Variants in SOX6 observed in about 807,000 individuals in gnomAD.
The protein encoded by SOX6 is SRY-box transcription factor 6.
In SOX6, 11 loss-of-function variants were observed where a neutral mutation model predicts 97.8. The observed-to-expected ratio is 0.11, with a 90% CI of 0.07 to 0.19. SOX6 has a LOEUF of 0.19. Ranked by LOEUF, SOX6 falls within the 10% of genes least tolerant of loss-of-function variation. The pLI, the probability that SOX6 is intolerant of heterozygous loss-of-function variation, is 1.00. For missense variants in SOX6, 810 were observed against 1,039.5 expected, an observed-to-expected ratio of 0.78 and a Z score of 3.04; for synonymous variants, 360 against 371.4, an observed-to-expected ratio of 0.97 and a Z score of 0.35.
At chr11:16,362,022 A>G (rs1176347867) in intron 1 of SOX6, among the ~76,000 whole-genome samples, 1 of 152,230 alleles carries the variant, frequency 6.6e-6, no homozygotes, top group East Asian at 1.9e-4. Flanking sequence ...CTACAGAATC[A>G]GCCTCTACAA....
Position 16,472,400 on chromosome 11 carries a change from A to G in SOX6, c.-5+3915T>C, listed in dbSNP as rs138234052. Among the ~76,000 whole-genome samples the G allele has an allele frequency of 1.1e-4, 16 of 152,314 alleles. 1 individual carries two copies. The East Asian group carries it at 3.1e-3, about 29-fold the overall frequency. On this transcript the variant is annotated intron_variant, in intron 1 of 15. Transcript: ENST00000396356. Reference sequence around the variant, plus strand: ...TCCAGTAGAATAAGTTCGGTTCCTTAGAATCCTGTTTTCACAAAGAGCCCT... The same window carrying G: ...TCCAGTAGAATAAGTTCGGTTCCTTGGAATCCTGTTTTCACAAAGAGCCCT...
intron 1 of SOX6, among the ~76,000 whole-genome samples, chr11:16,474,258 C>G (rs921901935): frequency 1.3e-5 from 2 of 152,050 alleles, no homozygotes; most frequent in Non-Finnish European, 2.9e-5. Flanking sequence ...CTTTCAAATT[C>G]CTCTTAATAT....
At chr11:16,107,075 T>C (rs1276573891) in intron 7 of SOX6, among the ~76,000 whole-genome samples, 1 of 151,900 alleles carries the variant, frequency 6.6e-6, no homozygotes, top group Non-Finnish European at 1.5e-5. Flanking sequence ...AATAAAAAAA[T>C]TTAGTTGAAA....
chr11:16,067,290 T>C (rs963648044), intron 9 of SOX6, among the ~76,000 whole-genome samples: 5 of 152,150 alleles, frequency 3.3e-5, no homozygotes, highest in African/African-American at 9.7e-5. Flanking sequence ...CCAAATTTCA[T>C]CTTGAATTGT....
At chr11:16,033,657 G>T (rs1215269230) in intron 12 of SOX6, among the ~76,000 whole-genome samples, 1 of 152,134 alleles carries the variant, frequency 6.6e-6, no homozygotes, top group African/African-American at 2.4e-5. Flanking sequence ...CATCACCTGA[G>T]GTCAGGAGTT....
In SOX6 at chr11:16,514,740, C is replaced by T. The variant is rs965468656; in HGVS notation, n.610-38352G>A. 5.4e-4 allele frequency among the ~76,000 whole-genome samples: 75 copies of T among 139,122 alleles called. 1 individual carries two copies. Among genetic ancestry groups the T allele is most frequent in the African/African-American group, 1.9e-3 (69 of 37,152 alleles). 91.3% of individuals were successfully genotyped at this position (139,122 alleles called of 152,430 possible). On this transcript the variant is annotated intron_variant and non_coding_transcript_variant, in intron 4 of 5. Coordinates refer to the SOX6 transcript ENST00000524520. ...GTCCCCAGAGTGTGATGTTTCCCTT[C>T]CTGTGTCCATGTGTTCTCATTGTTC...
upstream of SOX6, among the ~76,000 whole-genome samples, chr11:16,359,108 A>G (rs1300304291): frequency 2.0e-5 from 3 of 152,120 alleles, no homozygotes; most frequent in Non-Finnish European, 2.9e-5. Flanking sequence ...AGGAGCCCAG[A>G]AGAAGGAACA....
At chr11:16,478,398 G>A (rs948347821), upstream of SOX6, among the ~76,000 whole-genome samples, 3 of 152,134 alleles carry the variant, frequency 2.0e-5, no homozygotes, top group African/African-American at 7.2e-5. Context: ...GAACTATCTT[G>A]AATTAAGATC....
At chr11:16,141,074 G>A (rs921712518) in intron 6 of SOX6, among the ~76,000 whole-genome samples, 1 of 150,848 alleles carries the variant, frequency 6.6e-6, no homozygotes, top group African/African-American at 2.4e-5. Flanking sequence ...AGATTGCACT[G>A]CTGCACTCTA....
chr11:16,497,076 C>T (rs1860612818), intron 4 of SOX6, among the ~76,000 whole-genome samples: 1 of 152,172 alleles, frequency 6.6e-6, no homozygotes, highest in Admixed American at 6.5e-5. Flanking sequence ...CCAGTAGGGG[C>T]AGACTGACAC....
At chr11:16,734,669 C>G (rs1032759416) in intron 2 of SOX6, among the ~76,000 whole-genome samples, 1 of 152,164 alleles carries the variant, frequency 6.6e-6, no homozygotes, top group African/African-American at 2.4e-5. Flanking sequence ...CCTACTAATA[C>G]TTTAACATGT....
intron 2 of SOX6, among the ~76,000 whole-genome samples, chr11:16,716,674 G>A (rs1848221772): frequency 6.6e-6 from 1 of 151,738 alleles, no homozygotes; most frequent in Admixed American, 6.6e-5. Context: ...GTCAAAAACT[G>A]GAAACAACTC....
rs904784321 is a variant in SOX6 at position 16,542,017 on chromosome 11, A to G, written n.610-65629T>C. Reference sequence around the variant, plus strand: ...CTACTATTAAGACACATGCACATGTATGTTTATTGTGGCACTATTCACAAT... The same window carrying G: ...CTACTATTAAGACACATGCACATGTGTGTTTATTGTGGCACTATTCACAAT... On this transcript the variant is annotated intron_variant and non_coding_transcript_variant, in intron 4 of 5. Coordinates refer to the SOX6 transcript ENST00000524520. Among the ~76,000 whole-genome samples, 4 of 152,218 alleles carry G rather than the reference A, an allele frequency of 2.6e-5. 1 individual carries two copies. The highest frequency in any genetic ancestry group is 7.2e-5 in the African/African-American group (3 of 41,464).
intron 4 of SOX6, among the ~76,000 whole-genome samples, chr11:16,486,899 A>G (rs912007687): frequency 1.2e-4 from 18 of 151,928 alleles, no homozygotes; most frequent in Non-Finnish European, 2.6e-4. Context: ...TAATAATAAA[A>G]TAAAAATTTA....
intron 4 of SOX6, among the ~76,000 whole-genome samples, chr11:16,565,376 C>T (rs1448539467): frequency 6.6e-6 from 1 of 151,958 alleles, no homozygotes; most frequent in African/African-American, 2.4e-5. Context: ...TAAAGATTAA[C>T]ACCAATTCTA....
chr11:16,333,494 T>A (rs963308515), intron 2 of SOX6, among the ~76,000 whole-genome samples: 1 of 152,078 alleles, frequency 6.6e-6, no homozygotes, highest in Non-Finnish European at 1.5e-5. Context: ...GAACCACCTA[T>A]AGACTGAAAC....
chr11:16,266,370 C>T (rs1404218671), intron 3 of SOX6, among the ~76,000 whole-genome samples: 1 of 151,366 alleles, frequency 6.6e-6, no homozygotes, highest in South Asian at 2.1e-4. Flanking sequence ...AAATTTTAGA[C>T]ACATAAAAGC....
intron 4 of SOX6, among the ~76,000 whole-genome samples, chr11:16,192,732 T>C (rs1851663945): frequency 1.3e-5 from 2 of 152,222 alleles, no homozygotes; most frequent in Admixed American, 6.5e-5. Flanking sequence ...CTCTTATTGA[T>C]ATAGCATGAA....
chr11:16,078,587 G>A (rs1292263578), intron 9 of SOX6, among the ~76,000 whole-genome samples: 2 of 152,072 alleles, frequency 1.3e-5, no homozygotes, highest in Non-Finnish European at 2.9e-5. Flanking sequence ...GTATCATTTT[G>A]GTTTTGGAAA....
Sources: gnomAD v4.1 joint callset for allele counts (sites outside exome capture counted in the v4.1 genomes callset) on GRCh38, gnomAD v4.1.1 for gene constraint, MANE v1.5 for transcripts, NCBI Gene and HGNC (gene_info 2026-07-23, HGNC 2026-07-21) for gene names.